Variants in MTAP observed in about 807,000 individuals in gnomAD.
MTAP encodes the protein S-methyl-5'-thioadenosine phosphorylase.
A neutral mutation model predicts 33.6 loss-of-function variants in MTAP; 33 were observed. The ratio of observed to expected loss-of-function variants is 0.98; its 90% CI spans 0.74 to 1.31. The LOEUF (loss-of-function observed/expected upper bound fraction) is 1.31. Among genes scored for constraint, MTAP ranks in the 40% most tolerant of loss-of-function variants. The pLI is 0.00. For missense variants in MTAP, 367 were observed against 360.0 expected, an observed-to-expected ratio of 1.02 and a Z score of -0.16; for synonymous variants, 148 against 125.7, an observed-to-expected ratio of 1.18 and a Z score of -1.19.
At chr9:21,812,001 C>A in intron 1 of MTAP, 1 of 284,698 alleles carries the variant, frequency 3.5e-6, no homozygotes, top group Non-Finnish European at 7.0e-6. Context: ...CATGTGGCCC[C>A]TGAACATGGC....
At chr9:21,813,638 G>T (rs1587200295) in intron 1 of MTAP, 1 of 152,318 alleles carries the variant, frequency 6.6e-6, no homozygotes, top group South Asian at 2.1e-4. Context: ...AATCTGAGAT[G>T]CCCTGGCTCA....
At chr9:21,808,298 CAT>C (rs1391989787) in intron 1 of MTAP, among the ~76,000 whole-genome samples, 1 of 152,034 alleles carries the variant, frequency 6.6e-6, no homozygotes, top group Admixed American at 6.6e-5. Context: ...AGACAACACA[CAT>C]GAGGCCGGGC....
chr9:21,835,515 G>C (rs1161534742), intron 4 of MTAP, among the ~76,000 whole-genome samples: 2 of 152,032 alleles, frequency 1.3e-5, no homozygotes, highest in African/African-American at 4.8e-5. Context: ...CAATATAGCT[G>C]TTTTGGCTAG....
chr9:21,843,078 C>T (rs1167165442), intron 5 of MTAP, among the ~76,000 whole-genome samples: 5 of 152,110 alleles, frequency 3.3e-5, no homozygotes, highest in Admixed American at 3.3e-4. Flanking sequence ...AAAAGATATT[C>T]CATGCAAATG....
intron 1 of MTAP, among the ~76,000 whole-genome samples, chr9:21,883,994 G>T (rs1818062060): frequency 1.3e-5 from 2 of 152,074 alleles, no homozygotes; most frequent in Admixed American, 1.3e-4. Flanking sequence ...GTAATCTCAG[G>T]CCTTGGTGGT....
intron 1 of MTAP, 113 bp from the exon 2 acceptor site, chr9:21,815,320 C>T (rs1352375276): frequency 1.6e-6 from 1 of 642,962 alleles, no homozygotes; most frequent in Non-Finnish European, 2.6e-6. Flanking sequence ...AAAAAAATAA[C>T]TAGGGCTTGG....
intron 1 of MTAP, chr9:21,893,432 T>C (rs1818232315): frequency 6.6e-6 from 1 of 152,082 alleles, no homozygotes; most frequent in Admixed American, 6.5e-5. Flanking sequence ...GCAAAATACA[T>C]ACAATTGTTT....
chr9:21,861,965 C>T lies in MTAP; in HGVS notation c.814-11C>T. The stretch of plus-strand genomic sequence containing the variant: ...ACATGTGAATATCACTGCCTCCTTT[C>T]TTCCTTTCAGAATATGGCCCAGTTT... On this transcript the variant is annotated splice_polypyrimidine_tract_variant and intron_variant, in intron 7 of 7. Transcript: ENST00000644715. The T allele has an allele frequency of 6.8e-7, 1 of 1,474,708 alleles. No homozygotes were observed. The highest frequency in any genetic ancestry group is 9.5e-7 in the Non-Finnish European group (1 of 1,053,760). The allele number at this position is 1,474,708 out of a possible 1,614,324, so 91.4% of individuals were successfully genotyped here. A position where few individuals can be genotyped will look rare whatever the true frequency, so the allele number is the denominator to read the frequency against.
chr9:21,916,745 AAAG>A (rs1350145694), intron 1 of MTAP, among the ~76,000 whole-genome samples: 1 of 152,206 alleles, frequency 6.6e-6, no homozygotes, highest in Non-Finnish European at 1.5e-5. Context: ...CAGATCTAGA[AAAG>A]AAGAACCTAC....
intron 1 of MTAP, among the ~76,000 whole-genome samples, chr9:21,898,617 C>G (rs1016728427): frequency 1.3e-5 from 2 of 152,238 alleles, no homozygotes; most frequent in East Asian, 3.9e-4. Flanking sequence ...ATGCAGCCAA[C>G]AGACACATGA....
At chr9:21,913,551 G>A (rs534721096) in intron 1 of MTAP, among the ~76,000 whole-genome samples, 6 of 152,272 alleles carry the variant, frequency 3.9e-5, no homozygotes, top group South Asian at 4.1e-4. Context: ...TTAATAAATG[G>A]TGCTGGGAAA....
At chr9:21,810,883 C>T (rs1335537538) in intron 1 of MTAP, among the ~76,000 whole-genome samples, 1 of 152,174 alleles carries the variant, frequency 6.6e-6, no homozygotes, top group Admixed American at 6.5e-5. Flanking sequence ...GACCCTATTG[C>T]AGGTTTTTAA....
At chr9:21,812,335 C>T (rs1263558307) in intron 1 of MTAP, 1 of 169,888 alleles carries the variant, frequency 5.9e-6, no homozygotes, top group African/African-American at 2.4e-5. Flanking sequence ...TCATAGAGAG[C>T]TTTATTTATT....
At position 21,808,265 on chromosome 9, in the gene MTAP, A is replaced by G. The variant is rs1542077; in HGVS notation, c.33+5484A>G. Among the ~76,000 whole-genome samples the G allele has an allele frequency of 8.1e-3, 1,236 of 152,196 alleles. 14 individuals carry two copies. The highest frequency in any genetic ancestry group is 0.025 in the African/African-American group (1,037 of 41,492). ...ATAGTTTCCTGTTGCTGCTATAACAATTTTCACAAATGGAGTGGCTTAAGA... is the reference window on the plus strand; with the variant it reads ...ATAGTTTCCTGTTGCTGCTATAACAGTTTTCACAAATGGAGTGGCTTAAGA... On this transcript the variant is annotated intron_variant, in intron 1 of 7. Coordinates refer to ENST00000644715, the MANE Select transcript of MTAP (RefSeq NM_002451.4).
chr9:21,807,996 T>C (rs1390143853), intron 1 of MTAP, among the ~76,000 whole-genome samples: 1 of 152,204 alleles, frequency 6.6e-6, no homozygotes, highest in Non-Finnish European at 1.5e-5. Context: ...CTCAAAAGCA[T>C]CTAAAGCAGT....
rs755021603 is a variant in MTAP, at chr9:21,802,705, A to G, written c.-44A>G. 2 of 1,598,256 alleles carry G rather than the reference A, an allele frequency of 1.3e-6. No individual in the cohort carries two copies. Among genetic ancestry groups the G allele is most frequent in the East Asian group, 2.3e-5 (1 of 44,100 alleles). ...GCTCTGTGGCTCGCTTGGTTCCCTT[A>G]GTCCCGAGCGCTCGCCCACTGCAGA... On this transcript the variant is annotated 5_prime_UTR_variant, in exon 1 of 8. Coordinates refer to ENST00000644715, the MANE Select transcript of MTAP (RefSeq NM_002451.4).
intron 7 of MTAP, chr9:21,861,430 T>C (rs1451361024): frequency 6.5e-6 from 1 of 153,132 alleles, no homozygotes; most frequent in African/African-American, 2.4e-5. Context: ...TTGGTCTTCA[T>C]GCTACAGCAT....
intron 7 of MTAP, chr9:21,860,671 G>A (rs1042299157): frequency 1.3e-5 from 2 of 152,152 alleles, no homozygotes; most frequent in East Asian, 1.9e-4. Flanking sequence ...ATAAAAAAAC[G>A]CATGTTGGTT....
At chr9:21,919,293 A>G (rs1017387278) in intron 1 of MTAP, among the ~76,000 whole-genome samples, 5 of 152,188 alleles carry the variant, frequency 3.3e-5, no homozygotes, top group African/African-American at 7.2e-5. Context: ...CTGATAGCCA[A>G]TGTTGTTCAT....
Sources: allele counts gnomAD v4.1 joint callset (sites outside exome capture counted in the v4.1 genomes callset), GRCh38; gene constraint gnomAD v4.1.1; transcripts MANE v1.5; gene names NCBI Gene and HGNC (gene_info 2026-07-23, HGNC 2026-07-21).